The following FREM2 variants were observed in gnomAD, a reference collection of about 807,000 sequenced individuals.
FREM2 encodes the protein FRAS1-related extracellular matrix protein 2.
Under a neutral mutation model 219.9 loss-of-function variants are expected in FREM2, and 119 were observed. The observed-to-expected ratio is 0.54, with a 90% CI of 0.47 to 0.63. FREM2 has a LOEUF of 0.63. Among genes scored for constraint, FREM2 ranks in the 30% least tolerant of loss-of-function variants. The pLI, the probability that FREM2 is intolerant of heterozygous loss-of-function variation, is 0.00. For synonymous variants in FREM2, 1,562 were observed against 1,522.8 expected (o/e 1.03, Z -0.60); for missense variants, 4,030 against 3,993.6 (o/e 1.01, Z -0.25).
At chr13:38,875,481 G>A (rs990985185) in intron 18 of FREM2, among the ~76,000 whole-genome samples, 2 of 152,140 alleles carry the variant, frequency 1.3e-5, no homozygotes, top group Admixed American at 6.5e-5. Flanking sequence ...TGGAAAATGA[G>A]GATTTTCTGG....
At chr13:38,836,723 T>C (rs763868368) in intron 6 of FREM2, among the ~76,000 whole-genome samples, 1 of 150,484 alleles carries the variant, frequency 6.6e-6, no homozygotes, top group Non-Finnish European at 1.5e-5. Context: ...TTTTCTAGTT[T>C]ATTTATGTAG....
chr13:38,746,021 G>A (rs28502478), intron 2 of FREM2, among the ~76,000 whole-genome samples: 15,571 of 151,984 alleles, frequency 0.1, 851 homozygotes, highest in East Asian at 0.17. Context: ...TATGATTTCT[G>A]TATTATATAA....
intron 6 of FREM2, among the ~76,000 whole-genome samples, chr13:38,834,386 A>G (rs1167594118): frequency 2.6e-5 from 4 of 152,130 alleles, no homozygotes; most frequent in Admixed American, 2.6e-4. Flanking sequence ...CATGGTATAT[A>G]TGTGCCACAT....
rs114850418 is a variant in FREM2, at chr13:38,748,837, G to T, written c.5264-15467G>T. 3.1e-3 allele frequency among the ~76,000 whole-genome samples: 472 copies of T among 152,176 alleles called. 2 individuals are homozygous for T. The highest frequency in any genetic ancestry group is 0.011 in the African/African-American group (445 of 41,524). On this transcript the variant is annotated intron_variant, in intron 2 of 23. Coordinates refer to ENST00000280481, the MANE Select transcript of FREM2 (RefSeq NM_207361.6). ...TTGTTCAACGGAAAAACATGTAAAG[G>T]ATGCTGTGAGCTCTATGTTTTTGGA...
chr13:38,754,507 T>A (rs1872903162), intron 2 of FREM2, among the ~76,000 whole-genome samples: 1 of 152,170 alleles, frequency 6.6e-6, no homozygotes, highest in Non-Finnish European at 1.5e-5. Context: ...GAATGCTACA[T>A]CTACCACATA....
intron 2 of FREM2, among the ~76,000 whole-genome samples, chr13:38,712,650 TCACACACACA>T (rs58097045): frequency 5.4e-5 from 8 of 149,070 alleles, no homozygotes; most frequent in South Asian, 2.1e-4. Flanking sequence ...TTTCTCTCTC[TCACACACACA>T]CACACACACA....
chr13:38,695,601 G>A (rs1470867556), intron 1 of FREM2, among the ~76,000 whole-genome samples: 1 of 152,182 alleles, frequency 6.6e-6, no homozygotes, highest in Non-Finnish European at 1.5e-5. Context: ...CAATTTGAAG[G>A]GGTGGGAACA....
At chr13:38,745,658 G>T (rs1239149376) in intron 2 of FREM2, among the ~76,000 whole-genome samples, 1 of 152,146 alleles carries the variant, frequency 6.6e-6, no homozygotes, top group African/African-American at 2.4e-5. Context: ...ATAGAAAACA[G>T]TTGGCTTTTA....
chr13:38,739,607 C>T (rs1017686066), intron 2 of FREM2, among the ~76,000 whole-genome samples: 6 of 152,110 alleles, frequency 3.9e-5, no homozygotes, highest in Non-Finnish European at 7.4e-5. Flanking sequence ...ACCAAACTCC[C>T]AAATTTTCCA....
intron 4 of FREM2, among the ~76,000 whole-genome samples, chr13:38,778,621 A>G (rs1317423985): frequency 6.6e-6 from 1 of 152,168 alleles, no homozygotes; most frequent in Non-Finnish European, 1.5e-5. Flanking sequence ...ATAGCGGGAA[A>G]CAACACACAC....
chr13:38,752,879 C>G (rs1872834829), intron 2 of FREM2, among the ~76,000 whole-genome samples: 1 of 152,194 alleles, frequency 6.6e-6, no homozygotes, highest in Non-Finnish European at 1.5e-5. Context: ...CCACTGCTTT[C>G]CTTTAGCTCA....
At chr13:38,785,066 A>G (rs1473994869) in intron 6 of FREM2, among the ~76,000 whole-genome samples, 2 of 152,230 alleles carry the variant, frequency 1.3e-5, no homozygotes, top group East Asian at 1.9e-4. Context: ...GCCCTGTACC[A>G]TCAGGTGATT....
In FREM2 at chr13:38,850,084, T is replaced by C; in HGVS notation, c.6426T>C (p.Ser2142=). The C allele has an allele frequency of 1.9e-6, 3 of 1,614,018 alleles. No homozygotes were observed. Among genetic ancestry groups the C allele is most frequent in the Non-Finnish European group, 2.5e-6 (3 of 1,179,914 alleles). Residue 2142 remains serine (S), a synonymous_variant, in exon 9 of 24, where the codon AGT becomes AGC. Transcript: ENST00000280481. Reference sequence around the variant, plus strand: ...AACGAATATATACTGGCAGCGAAAGTGATGGGCAGATAGTTACAATGATCC... The same window carrying C: ...AACGAATATATACTGGCAGCGAAAGCGATGGGCAGATAGTTACAATGATCC... ...FKERIYTGSE[S]DGQIVTMIHR...
chr13:38,836,060 G>A (rs1486434012), intron 6 of FREM2, among the ~76,000 whole-genome samples: 2 of 152,000 alleles, frequency 1.3e-5, no homozygotes, highest in South Asian at 2.1e-4. Context: ...GCCCATTTGT[G>A]TGATATTGGC....
At chr13:38,804,696 C>T (rs1875154135) in intron 6 of FREM2, among the ~76,000 whole-genome samples, 1 of 152,080 alleles carries the variant, frequency 6.6e-6, no homozygotes, top group African/African-American at 2.4e-5. Flanking sequence ...ACAGATGAAG[C>T]ATTTAAAAGA....
Position 38,881,083 on chromosome 13 carries a change from A to T in FREM2, c.*296A>T, listed in dbSNP as rs1878530440. 2.2e-6 allele frequency: 1 copy of T among 453,498 alleles called. No homozygotes were observed. Among genetic ancestry groups the T allele is most frequent in the Non-Finnish European group, 4.1e-6 (1 of 245,296 alleles). The allele number at this position is 453,498 out of a possible 1,614,324, so 28.1% of individuals were successfully genotyped here. On this transcript the variant is annotated 3_prime_UTR_variant, in exon 24 of 24. Coordinates refer to ENST00000280481, the MANE Select transcript of FREM2 (RefSeq NM_207361.6). ...TTTAGACATATTCTCTATGCAGTGG[A>T]GATAAATCTATTAAAAGGTGCTAAC...
intron 4 of FREM2, among the ~76,000 whole-genome samples, chr13:38,780,100 C>T (rs1039366487): frequency 2.0e-5 from 3 of 152,276 alleles, no homozygotes; most frequent in Non-Finnish European, 2.9e-5. Context: ...GATTTCCATT[C>T]GGACCTCTCC....
intron 2 of FREM2, among the ~76,000 whole-genome samples, chr13:38,723,658 C>T (rs370604250): frequency 3.9e-5 from 6 of 152,134 alleles, no homozygotes; most frequent in Non-Finnish European, 8.8e-5. Flanking sequence ...AACCTCCATG[C>T]GAGAACTGAT....
At chr13:38,876,446 T>TTAAAAAAA in intron 20 of FREM2, 64 bp downstream of exon 20, 8 of 1,111,534 alleles carry the variant, frequency 7.2e-6, no homozygotes, top group South Asian at 1.3e-5. Context: ...CATTTATTAG[T>TTAAAAAAA]AAAAAAAAAA....
Sources: gnomAD v4.1 joint callset for allele counts (sites outside exome capture counted in the v4.1 genomes callset) on GRCh38, gnomAD v4.1.1 for gene constraint, MANE v1.5 for transcripts, NCBI Gene and HGNC (gene_info 2026-07-23, HGNC 2026-07-21) for gene names.